TSNAX: variants seen among roughly 807,000 people sequenced by gnomAD.
TSNAX encodes translin associated factor X.
In TSNAX, 12 loss-of-function variants were observed where a neutral mutation model predicts 33.0. That is an observed-to-expected ratio of 0.36 (90% CI 0.23 to 0.59). The LOEUF (loss-of-function observed/expected upper bound fraction) is 0.59. Ranked by LOEUF, TSNAX falls within the 20% of genes least tolerant of loss-of-function variation. TSNAX has a pLI of 0.74. For synonymous variants in TSNAX, 110 were observed against 117.2 expected, an observed-to-expected ratio of 0.94 and a Z score of 0.40; for missense variants, 267 against 341.3, an observed-to-expected ratio of 0.78 and a Z score of 1.72.
rs1398733775 is a variant in TSNAX at position 231,564,877 on chromosome 1, T to A, written c.845T>A (p.Met282Lys). The A allele has an allele frequency of 1.2e-6, 2 of 1,614,058 alleles. No homozygotes were observed. ...LADVFSVKTE[M>K]IDQEEGIS ...GATGTGTTTTCAGTTAAAACAGAAA[T>A]GATAGATCAAGAAGAGGGCATTTCT... is the stretch of plus-strand genomic sequence containing the variant. The change falls in exon 6 of 6, where the codon ATG becomes AAG. Residue 282 changes from methionine (M) to lysine (K), a missense_variant. Physicochemically the swap from Met to Lys is moderately conservative, Grantham distance 95. Around this residue, in one of 2 missense-constraint regions of TSNAX, gnomAD observed 67 missense variants for 127.2 expected, o/e 0.53. Transcript: ENST00000366639.
intron 2 of TSNAX, among the ~76,000 whole-genome samples, chr1:231,532,580 AAAG>A (rs1445013457): frequency 6.6e-6 from 1 of 152,196 alleles, no homozygotes. Context: ...ACTTGAAAAA[AAAG>A]GTCCAAGTTT....
chr1:231,542,357 T>G, intron 3 of TSNAX, 124 bp from the exon 4 acceptor site: 2 of 889,776 alleles, frequency 2.2e-6, no homozygotes, highest in African/African-American at 1.7e-5. Flanking sequence ...TAGTTTTGAG[T>G]AGTTTTGAGT....
At chr1:231,553,271 A>G (rs1240193914) in intron 4 of TSNAX, among the ~76,000 whole-genome samples, 1 of 152,234 alleles carries the variant, frequency 6.6e-6, no homozygotes, top group Non-Finnish European at 1.5e-5. Context: ...GACTGGATGT[A>G]TATTGCTTAA....
chr1:231,555,236 A>G (rs1219001015), intron 4 of TSNAX, among the ~76,000 whole-genome samples: 1 of 152,210 alleles, frequency 6.6e-6, no homozygotes, highest in Non-Finnish European at 1.5e-5. Flanking sequence ...TTAAACAGGA[A>G]ATTCTGACAT....
intron 4 of TSNAX, among the ~76,000 whole-genome samples, chr1:231,552,281 T>C (rs1156891512): frequency 1.3e-5 from 2 of 151,968 alleles, no homozygotes; most frequent in Non-Finnish European, 2.9e-5. Flanking sequence ...AGAGCCAGGT[T>C]GTCTCAGAAA....
intron 2 of TSNAX, 24 bp downstream of exon 2, chr1:231,529,383 G>A: frequency 6.2e-7 from 1 of 1,608,410 alleles, no homozygotes; most frequent in Non-Finnish European, 8.5e-7. Flanking sequence ...AATGTAAGTT[G>A]AAGAAGGGGA....
At chr1:231,551,208 A>C (rs191424497) in intron 4 of TSNAX, among the ~76,000 whole-genome samples, 11 of 152,224 alleles carry the variant, frequency 7.2e-5, no homozygotes, top group African/African-American at 2.7e-4. Context: ...CAAGATAAGA[A>C]GAGAATGTGG....
At chr1:231,532,186 A>G (rs1257624007) in intron 2 of TSNAX, among the ~76,000 whole-genome samples, 2 of 115,952 alleles carry the variant, frequency 1.7e-5, no homozygotes, top group Non-Finnish European at 1.8e-5. Flanking sequence ...ACACACACAC[A>G]GTTTTGGTTT....
At chr1:231,537,015 T>C (rs1659223308) in intron 2 of TSNAX, 198 bp from the exon 3 acceptor site, 1 of 343,244 alleles carries the variant, frequency 2.9e-6, no homozygotes, top group African/African-American at 2.2e-5. Context: ...TTATTTTTAG[T>C]AGAGACGGGG....
At chr1:231,538,965 C>A (rs1308720459) in intron 3 of TSNAX, among the ~76,000 whole-genome samples, 1 of 151,858 alleles carries the variant, frequency 6.6e-6, no homozygotes, top group African/African-American at 2.4e-5. Flanking sequence ...TGAAGTATTC[C>A]GTTCAGTAAC....
intron 4 of TSNAX, among the ~76,000 whole-genome samples, chr1:231,544,967 C>T (rs2124909840): frequency 6.6e-6 from 1 of 152,174 alleles, no homozygotes; most frequent in East Asian, 1.9e-4. Context: ...TTGTAAGTTT[C>T]CTTTGAAGAT....
At chr1:231,545,582 AGTTTGGGGGAAAT>A (rs1659852092) in intron 4 of TSNAX, among the ~76,000 whole-genome samples, 1 of 152,034 alleles carries the variant, frequency 6.6e-6, no homozygotes, top group Non-Finnish European at 1.5e-5. Flanking sequence ...AAAAATTAAC[AGTTTGGGGGAAAT>A]GTCCTCCATT....
At position 231,553,908 on chromosome 1, in the gene TSNAX, A is replaced by G. The variant is rs183856139; in HGVS notation, c.368-7220A>G. Among the ~76,000 whole-genome samples the G allele has an allele frequency of 2.8e-3, 432 of 151,722 alleles. 2 individuals are homozygous for G. Among genetic ancestry groups the G allele is most frequent in the African/African-American group, 0.01 (423 of 41,352 alleles). ...TCCATGTTGGTCAGGCTGGTCTCGA[A>G]CTCCCAACCTCAGGTGATCCACCCA... is the stretch of plus-strand genomic sequence containing the variant. On this transcript the variant is annotated intron_variant, in intron 4 of 5. Transcript: ENST00000366639.
intron 4 of TSNAX, among the ~76,000 whole-genome samples, chr1:231,553,539 G>C (rs905801887): frequency 6.6e-6 from 1 of 152,072 alleles, no homozygotes; most frequent in African/African-American, 2.4e-5. Context: ...TGAAAATAGC[G>C]GATGTCCTTT....
chr1:231,549,480 T>G (rs1051439555), intron 4 of TSNAX, among the ~76,000 whole-genome samples: 2 of 152,188 alleles, frequency 1.3e-5, no homozygotes, highest in African/African-American at 4.8e-5. Context: ...GATGGGAACT[T>G]AACCAGGAAT....
intron 4 of TSNAX, among the ~76,000 whole-genome samples, chr1:231,551,164 A>G (rs996332908): frequency 6.6e-6 from 1 of 152,184 alleles, no homozygotes; most frequent in Non-Finnish European, 1.5e-5. Context: ...GAAAGTGCAG[A>G]TGAGTTATTT....
intron 2 of TSNAX, 87 bp from the exon 3 acceptor site, chr1:231,537,126 C>A (rs1659233801): frequency 7.8e-6 from 8 of 1,028,632 alleles, no homozygotes; most frequent in Non-Finnish European, 1.2e-5. Flanking sequence ...CCACCGCACC[C>A]AGCATATGTG....
At chr1:231,531,131 A>AT (rs548274817) in intron 2 of TSNAX, among the ~76,000 whole-genome samples, 165 of 151,738 alleles carry the variant, frequency 1.1e-3, no homozygotes, top group African/African-American at 3.8e-3. Flanking sequence ...ATTTTTTTAA[A>AT]TTTTTTTGTA....
intron 2 of TSNAX, chr1:231,535,975 C>T (rs1659142196): frequency 6.6e-6 from 1 of 152,220 alleles, no homozygotes; most frequent in African/African-American, 2.4e-5. Context: ...TTGGACACCA[C>T]AGCCTGCGTT....
Sources: gnomAD v4.1 joint callset for allele counts (sites outside exome capture counted in the v4.1 genomes callset) on GRCh38, gnomAD v4.1.1 for gene constraint, gnomAD v4.1.1 regional missense constraint, MANE v1.5 for transcripts, NCBI Gene and HGNC (gene_info 2026-07-23, HGNC 2026-07-21) for gene names.